The following OPHN1 variants were observed in gnomAD, a reference collection of about 807,000 sequenced individuals.
OPHN1 encodes the protein oligophrenin 1.
A neutral mutation model predicts 60.7 loss-of-function variants in OPHN1; 11 were observed. The ratio of observed to expected loss-of-function variants is 0.18; its 90% CI spans 0.11 to 0.30. OPHN1 has a LOEUF of 0.30. Among genes scored for constraint, OPHN1 ranks in the 10% least tolerant of loss-of-function variants. The pLI, the probability that OPHN1 is intolerant of heterozygous loss-of-function variation, is 1.00. For missense variants in OPHN1, 449 were observed against 611.0 expected (o/e 0.73, Z 2.80); for synonymous variants, 226 against 222.6 (o/e 1.02, Z -0.14).
At chrX:68,311,186 G>T (rs1375708328) in intron 2 of OPHN1, among the ~76,000 whole-genome samples, 1 of 111,744 alleles carries the variant, frequency 8.9e-6, no homozygotes, top group Non-Finnish European at 1.9e-5. Context: ...GAGGCTGGAG[G>T]ATGGCTTCAG....
chrX:68,335,199 G>A (rs1004225578), intron 2 of OPHN1, among the ~76,000 whole-genome samples: 4 of 106,404 alleles, frequency 3.8e-5, no homozygotes, highest in East Asian at 5.9e-4. Context: ...GGTGCTCAAC[G>A]AAGATACGTT....
chrX:68,085,969 G>A (rs1209211129), intron 19 of OPHN1, among the ~76,000 whole-genome samples: 3 of 110,750 alleles, frequency 2.7e-5, no homozygotes, highest in East Asian at 2.8e-4. Flanking sequence ...ACATGAGGTC[G>A]GGAGTTCAAG....
intron 15 of OPHN1, among the ~76,000 whole-genome samples, chrX:68,161,885 T>C (rs1282720028): frequency 9.0e-6 from 1 of 111,629 alleles, no homozygotes; most frequent in South Asian, 3.7e-4. Context: ...GAATACTATA[T>C]GGCAGCACAA....
At chrX:68,413,510 T>C (rs1979623834) in intron 2 of OPHN1, among the ~76,000 whole-genome samples, 1 of 111,690 alleles carries the variant, frequency 9.0e-6, no homozygotes, top group Admixed American at 9.6e-5. Context: ...TAACCACCTA[T>C]CCTTCCCCAC....
At chrX:68,358,685 A>G (rs1240323414) in intron 2 of OPHN1, among the ~76,000 whole-genome samples, 2 of 112,120 alleles carry the variant, frequency 1.8e-5, no homozygotes, top group Non-Finnish European at 3.8e-5. Context: ...TCAAATATCT[A>G]GTTTTGTGTT....
At chrX:68,141,752 G>T (rs940144370) in intron 15 of OPHN1, among the ~76,000 whole-genome samples, 5 of 110,785 alleles carry the variant, frequency 4.5e-5, no homozygotes, top group Non-Finnish European at 7.5e-5. Flanking sequence ...GAGAGAAACA[G>T]AGAGACAGAG....
chrX:68,235,813 G>A (rs2077750369), intron 5 of OPHN1, among the ~76,000 whole-genome samples: 2 of 110,510 alleles, frequency 1.8e-5, no homozygotes, highest in Admixed American at 1.9e-4. Context: ...AGCCGAGATT[G>A]TGCCACTGCA....
At chrX:68,234,685 G>T in intron 5 of OPHN1, 97 bp from the exon 6 acceptor site, 1 of 678,403 alleles carries the variant, frequency 1.5e-6, no homozygotes, top group Non-Finnish European at 2.4e-6. Context: ...GGTTTCAGGT[G>T]GTCAATCCCT....
At chrX:68,193,743 G>A in intron 14 of OPHN1, 147 bp downstream of exon 14, 1 of 514,446 alleles carries the variant, frequency 1.9e-6, no homozygotes, top group Middle Eastern at 3.7e-4. Flanking sequence ...CACTAGTTTA[G>A]AATTTTCTGA....
At chrX:68,358,151 A>G (rs2078452120) in intron 2 of OPHN1, among the ~76,000 whole-genome samples, 1 of 107,630 alleles carries the variant, frequency 9.3e-6, no homozygotes, top group South Asian at 4.1e-4. Flanking sequence ...ATAATAAAAT[A>G]AAATAAAATA....
intron 2 of OPHN1, among the ~76,000 whole-genome samples, chrX:68,336,772 G>A (rs1421682225): frequency 9.2e-6 from 1 of 108,939 alleles, no homozygotes; most frequent in Non-Finnish European, 1.9e-5. Context: ...AGCTATTATG[G>A]GCCAGGCGTG....
intron 2 of OPHN1, among the ~76,000 whole-genome samples, chrX:68,381,648 C>A (rs1238660054): frequency 9.0e-6 from 1 of 111,256 alleles, no homozygotes; most frequent in East Asian, 2.9e-4. Context: ...CTTCTCTCAT[C>A]ACTCCAACCC....
At chrX:68,223,807 A>C (rs1349412467) in intron 6 of OPHN1, among the ~76,000 whole-genome samples, 1 of 111,914 alleles carries the variant, frequency 8.9e-6, no homozygotes, top group South Asian at 3.7e-4. Flanking sequence ...TATTAATTTC[A>C]TAAAAAGCAT....
intron 2 of OPHN1, among the ~76,000 whole-genome samples, chrX:68,419,590 G>C (rs1044231306): frequency 2.4e-4 from 25 of 103,760 alleles, no homozygotes; most frequent in Non-Finnish European, 4.7e-4. Context: ...AACCAGGCTG[G>C]AGTGCAGTGG....
intron 23 of OPHN1, among the ~76,000 whole-genome samples, chrX:68,049,648 C>T (rs1229656685): frequency 8.9e-6 from 1 of 111,952 alleles, no homozygotes; most frequent in East Asian, 2.8e-4. Flanking sequence ...CAGAATGTGA[C>T]TGTCATTCTT....
chrX:68,132,996 A>AGCC (rs1160777816), intron 15 of OPHN1: 2 of 471,248 alleles, frequency 4.2e-6, no homozygotes, highest in East Asian at 3.9e-5. Flanking sequence ...CCGGACGCCA[A>AGCC]GCCGCCGCCG....
intron 18 of OPHN1, 144 bp downstream of exon 18, chrX:68,111,710 T>C: frequency 4.1e-6 from 2 of 490,829 alleles, no homozygotes; most frequent in Admixed American, 5.7e-5. Flanking sequence ...CAAGGCAAAA[T>C]AGCCTTCCTC....
At chrX:68,319,493 T>C (rs2078225004) in intron 2 of OPHN1, among the ~76,000 whole-genome samples, 1 of 110,826 alleles carries the variant, frequency 9.0e-6, no homozygotes, top group South Asian at 3.8e-4. Context: ...CCCAGCACTT[T>C]GGGAGGCCGA....
At chrX:68,265,041 C>A (rs916684611) in intron 5 of OPHN1, among the ~76,000 whole-genome samples, 1 of 112,552 alleles carries the variant, frequency 8.9e-6, no homozygotes, top group African/African-American at 3.2e-5. Flanking sequence ...GAAGCTCAAA[C>A]TGGGTGGAGC....
Sources: allele counts gnomAD v4.1 joint callset (sites outside exome capture counted in the v4.1 genomes callset), GRCh38; gene constraint gnomAD v4.1.1; transcripts MANE v1.5; gene names NCBI Gene and HGNC (gene_info 2026-07-23, HGNC 2026-07-21).